The following PTCH2 variants were observed in gnomAD, a reference collection of about 807,000 sequenced individuals.
PTCH2 encodes the protein protein patched homolog 2.
A neutral mutation model predicts 117.9 loss-of-function variants in PTCH2; 96 were observed. That is an observed-to-expected ratio of 0.81 (90% confidence interval 0.69 to 0.96). PTCH2 has a LOEUF of 0.96. Ranked by LOEUF, PTCH2 falls within the 50% of genes least tolerant of loss-of-function variation. The pLI is 0.00. For missense variants in PTCH2, 1,379 were observed against 1,562.5 expected (o/e 0.88, Z 1.98); for synonymous variants, 615 against 660.9 (o/e 0.93, Z 1.06).
chr1:44,822,666 T>C lies in PTCH2; in HGVS notation c.3361A>G (p.Ile1121Val). 1 of 1,613,822 alleles carries C rather than the reference T, an allele frequency of 6.2e-7. No homozygotes were observed. The highest frequency in any genetic ancestry group is 8.5e-7 in the Non-Finnish European group (1 of 1,179,854). ...LSILGPPPEV[I>V]QMYKESPEIL... Reference sequence around the variant, plus strand: ...TCTGGGCTTTCCTTGTACATCTGTATCACCTGTGGGGAGACACCAGCCCCA... The same window carrying C: ...TCTGGGCTTTCCTTGTACATCTGTACCACCTGTGGGGAGACACCAGCCCCA... The change falls in exon 22 of 22, where the codon ATA (isoleucine) becomes GTA (valine). Residue 1121 changes from isoleucine to valine, a missense_variant. Coordinates refer to ENST00000372192, the MANE Select transcript of PTCH2 (RefSeq NM_003738.5).
At chr1:44,836,184 T>G (rs1385947167) in intron 2 of PTCH2, among the ~76,000 whole-genome samples, 4 of 152,206 alleles carry the variant, frequency 2.6e-5, no homozygotes, top group African/African-American at 9.7e-5. Flanking sequence ...TTGATTAGTT[T>G]AAGAAGCCAA....
Position 44,822,248 on chromosome 1 carries a change from T to G in PTCH2, c.*167A>C. The G allele has an allele frequency of 1.3e-6, 2 of 1,523,994 alleles. No homozygotes were observed. Among genetic ancestry groups the G allele is most frequent in the Non-Finnish European group, 1.7e-6 (2 of 1,143,366 alleles). The allele number at this position is 1,523,994 out of a possible 1,614,324, so 94.4% of individuals were successfully genotyped here. A position where few individuals can be genotyped will look rare whatever the true frequency, so the allele number is the denominator to read the frequency against. On this transcript the variant is annotated 3_prime_UTR_variant, in exon 22 of 22. Coordinates refer to ENST00000372192, the MANE Select transcript of PTCH2 (RefSeq NM_003738.5). ...ACACAGGCCTGGATGTGCAAATCGG[T>G]GGCTGTTCTGTATGGATATCAGGGA...
At chr1:44,836,246 C>CAT (rs1309235013) in intron 2 of PTCH2, among the ~76,000 whole-genome samples, 1 of 152,208 alleles carries the variant, frequency 6.6e-6, no homozygotes, top group East Asian at 1.9e-4. Flanking sequence ...TAGGATGCTA[C>CAT]ATAGTTCTTG....
downstream of PTCH2, among the ~76,000 whole-genome samples, chr1:44,820,881 C>T (rs1408041977): frequency 6.6e-6 from 1 of 152,154 alleles, no homozygotes; most frequent in African/African-American, 2.4e-5. Flanking sequence ...CCAAATGCAG[C>T]CTCCCTCCCT....
chr1:44,828,512 G>A lies in PTCH2; in HGVS notation c.1584C>T (p.Ser528=), dbSNP rs1275194635. ...CCCGTGTGAGAGGCCTCACCTGTAG[G>A]GAGAAGGCTCGCAGCGCAGGGATGG... ...LVPIPALRAF[S]LQAAIVVGCT... is the part of the protein sequence containing the mutation. The change falls in exon 12 of 22, where the codon TCC becomes TCT. Residue 528 remains serine (S), a synonymous_variant. Transcript: ENST00000372192. 1 of 1,614,174 alleles carries A rather than the reference G, an allele frequency of 6.2e-7. No homozygotes were observed. The highest frequency in any genetic ancestry group is 1.1e-5 in the South Asian group (1 of 91,084).
chr1:44,832,367 G>T (rs758705661), intron 2 of PTCH2, 26 bp from the exon 3 acceptor site: 1 of 1,612,946 alleles, frequency 6.2e-7, no homozygotes, highest in Non-Finnish European at 8.5e-7. Context: ...GAGAAAGCTG[G>T]GGGGGAAAGG....
At position 44,822,405 on chromosome 1, in the gene PTCH2, A is replaced by G; in HGVS notation, c.*10T>C. On this transcript the variant is annotated 3_prime_UTR_variant, in exon 22 of 22. Coordinates refer to ENST00000372192, the MANE Select transcript of PTCH2 (RefSeq NM_003738.5). ...GCCCCACACATGGTCTCTGTGCTTC[A>G]GCTGCTCTTTCACCCAGTGGCTGGA... is the stretch of plus-strand genomic sequence containing the variant. 1 of 1,613,504 alleles carries G rather than the reference A, an allele frequency of 6.2e-7. No individual in the cohort carries two copies. Among genetic ancestry groups the G allele is most frequent in the South Asian group, 1.1e-5 (1 of 91,076 alleles).
chr1:44,835,379 G>A lies in PTCH2; in HGVS notation c.266-3038C>T, dbSNP rs909499250. 8.5e-5 allele frequency among the ~76,000 whole-genome samples: 13 copies of A among 152,210 alleles called. No homozygotes were observed. The East Asian group carries it at 1.9e-3, about 23-fold the overall frequency. On this transcript the variant is annotated intron_variant, in intron 2 of 21. Transcript: ENST00000372192. ...GCCAAACTTTTATGTCTTTACCAAC[G>A]GGAAAATATAACTGGTTAACCAATA... is the stretch of plus-strand genomic sequence containing the variant.
Position 44,827,588 on chromosome 1 carries a change from C to T in PTCH2, c.2185G>A (p.Ala729Thr), listed in dbSNP as rs765415578. 1.2e-5 allele frequency: 20 copies of T among 1,613,948 alleles called. No homozygotes were observed. The East Asian group carries it at 1.6e-4, about 13-fold the overall frequency. Residue 729 changes from alanine (A) to threonine (T), a missense_variant, in exon 15 of 22, where the codon GCC becomes ACC. Ala to Thr is a moderately conservative substitution (Grantham distance 58). Coordinates refer to ENST00000372192, the MANE Select transcript of PTCH2 (RefSeq NM_003738.5). ...RGTKEHAFLS[A>T]QLRYFSLYEV... ...TACAGGGAGAAGTACCTGAGCTGGG[C>T]GCTCAGGAAGGCATGCTCCTTGGTG...
In PTCH2 at chr1:44,832,306, TG is replaced by T. The variant is rs1184147651; in HGVS notation, c.300del (p.Lys101ArgfsTer15). On this transcript the variant is annotated frameshift_variant, in exon 3 of 22. Coordinates refer to ENST00000372192, the MANE Select transcript of PTCH2 (RefSeq NM_003738.5). LOFTEE classifies it high-confidence loss of function. ...GCAGCCTCCTCCCCCAGCTTCTCCT[TG>T]GTGTAATGCAGCTCCTGGCTCACCC... ...GSRVSQELHY[T>X]KEKLGEEAAY... 6.2e-7 allele frequency: 1 copy of T among 1,614,058 alleles called. No individual in the cohort carries two copies. The highest frequency in any genetic ancestry group is 8.5e-7 in the Non-Finnish European group (1 of 1,180,034).
At chr1:44,820,261 A>G, downstream of PTCH2, 1 of 417,812 alleles carries the variant, frequency 2.4e-6, no homozygotes, top group South Asian at 1.6e-5. Context: ...GCCATGGGTC[A>G]CTGATCTCCT....
At chr1:44,835,130 G>A (rs780810746) in intron 2 of PTCH2, among the ~76,000 whole-genome samples, 1 of 152,126 alleles carries the variant, frequency 6.6e-6, no homozygotes, top group Non-Finnish European at 1.5e-5. Context: ...GAGTGCAGTG[G>A]TGCAATCACA....
intron 2 of PTCH2, among the ~76,000 whole-genome samples, chr1:44,834,660 A>G (rs950298289): frequency 2.0e-5 from 3 of 152,234 alleles, no homozygotes; most frequent in African/African-American, 4.8e-5. Context: ...TGGAGCATCA[A>G]AGAGAATAAA....
rs1310687540 is a variant in PTCH2, at chr1:44,843,225, C to G, written c.-293G>C. ...CGCAGGCGGAATTGCTGGCCCGAGA[C>G]GCACAGCAGGGCTCGAGGTGGCAAC... On this transcript the variant is annotated 5_prime_UTR_variant, in exon 1 of 22. Coordinates refer to ENST00000372192, the MANE Select transcript of PTCH2 (RefSeq NM_003738.5). 8 of 985,290 alleles carry G rather than the reference C, an allele frequency of 8.1e-6. No individual in the cohort carries two copies. Among genetic ancestry groups the G allele is most frequent in the African/African-American group, 1.7e-5 (1 of 57,242 alleles). 61.0% of individuals were successfully genotyped at this position (985,290 alleles called of 1,614,324 possible). A position where few individuals can be genotyped will look rare whatever the true frequency, so the allele number is the denominator to read the frequency against.
At position 44,827,254 on chromosome 1, in the gene PTCH2, C is replaced by A. The variant is rs111471526; in HGVS notation, c.2427G>T (p.Ser809=). The change falls in exon 16 of 22, where the codon TCG becomes TCT. Residue 809 remains serine (S), a synonymous_variant. Transcript: ENST00000372192. Reference sequence around the variant, plus strand: ...CCCCATCCTCAGAGCCATTGCGGTACGAGTGGCGGGTGATGCGCCCAGAAG... The same window carrying A: ...CCCCATCCTCAGAGCCATTGCGGTAAGAGTGGCGGGTGATGCGCCCAGAAG... ...DWASGRITRH[S]YRNGSEDGAL... The A allele has an allele frequency of 1.2e-6, 2 of 1,614,020 alleles. No individual in the cohort carries two copies. The highest frequency in any genetic ancestry group is 2.7e-5 in the African/African-American group (2 of 74,940).
At chr1:44,827,822 C>T (rs2148875679) in intron 14 of PTCH2, 21 bp downstream of exon 14, 1 of 1,613,652 alleles carries the variant, frequency 6.2e-7, no homozygotes, top group Non-Finnish European at 8.5e-7. Context: ...TAAGTCTCTG[C>T]CCTGCTCTGC....
At chr1:44,838,854 G>T (rs920936405) in intron 2 of PTCH2, among the ~76,000 whole-genome samples, 6 of 151,894 alleles carry the variant, frequency 4.0e-5, no homozygotes, top group African/African-American at 1.5e-4. Context: ...GGAGTAGCTG[G>T]GACTACAGGC....
intron 2 of PTCH2, among the ~76,000 whole-genome samples, chr1:44,841,168 C>CAAAA (rs1167740906): frequency 2.7e-5 from 4 of 145,958 alleles, no homozygotes; most frequent in African/African-American, 1.0e-4. Flanking sequence ...GACTCTGTCT[C>CAAAA]AAACAAACAA....
At chr1:44,820,801 T>C, downstream of PTCH2, 7 of 688,188 alleles carry the variant, frequency 1.0e-5, no homozygotes, top group South Asian at 1.1e-4. Flanking sequence ...CCCTTTGCAC[T>C]ATTCTGGCCT....
Sources: gnomAD v4.1 joint callset for allele counts (sites outside exome capture counted in the v4.1 genomes callset) on GRCh38, gnomAD v4.1.1 for gene constraint, MANE v1.5 for transcripts, NCBI Gene and HGNC (gene_info 2026-07-23, HGNC 2026-07-21) for gene names.